Variants in PTPRT observed in about 807,000 individuals in gnomAD.
The protein encoded by PTPRT is protein tyrosine phosphatase receptor type T, also known as receptor-type tyrosine-protein phosphatase T.
A neutral mutation model predicts 176.8 loss-of-function variants in PTPRT; 56 were observed. The ratio of observed to expected loss-of-function variants is 0.32; its 90% confidence interval spans 0.26 to 0.40. The LOEUF (loss-of-function observed/expected upper bound fraction) is 0.40. PTPRT is among the 10% of genes least tolerant of loss of function. The pLI, the probability that PTPRT is intolerant of heterozygous loss-of-function variation, is 1.00. For missense variants in PTPRT, 1,540 were observed against 1,908.2 expected (o/e 0.81, Z 3.60); for synonymous variants, 783 against 739.0 (o/e 1.06, Z -0.96).
Position 42,237,470 on chromosome 20 carries a change from T to C in PTPRT, c.2313-1212A>G, listed in dbSNP as rs1600713694. On this transcript the variant is annotated intron_variant, in intron 14 of 30. Transcript: ENST00000373187. Reference sequence around the variant, plus strand: ...TCTGGGGGTTCTATAGCAGCCACTGTGTAATGAAGAAGGAGGGTACTGAGC... The same window carrying C: ...TCTGGGGGTTCTATAGCAGCCACTGCGTAATGAAGAAGGAGGGTACTGAGC... Among the ~76,000 whole-genome samples the C allele has an allele frequency of 2.0e-5, 3 of 152,370 alleles. No individual in the cohort carries two copies. In the South Asian group the frequency reaches 6.2e-4, roughly 32 times the overall value.
chr20:42,962,841 C>A (rs548952769), intron 1 of PTPRT, among the ~76,000 whole-genome samples: 1 of 151,960 alleles, frequency 6.6e-6, no homozygotes, highest in African/African-American at 2.4e-5. Flanking sequence ...GCTAGGTGGG[C>A]GGATCACTTG....
chr20:42,086,594 C>G (rs1983935288), intron 27 of PTPRT, among the ~76,000 whole-genome samples: 1 of 150,714 alleles, frequency 6.6e-6, no homozygotes, highest in Admixed American at 6.6e-5. Context: ...TCCAGGAAAA[C>G]CTTCATAGTG....
intron 27 of PTPRT, among the ~76,000 whole-genome samples, chr20:42,095,372 C>T (rs1271937030): frequency 6.6e-6 from 1 of 152,220 alleles, no homozygotes; most frequent in African/African-American, 2.4e-5. Flanking sequence ...CTGCTGCTTT[C>T]CCCACAGTTG....
At chr20:42,269,645 T>C (rs934436009) in intron 13 of PTPRT, among the ~76,000 whole-genome samples, 3 of 152,192 alleles carry the variant, frequency 2.0e-5, no homozygotes, top group Non-Finnish European at 4.4e-5. Context: ...GGGGCTGGTA[T>C]TCACTTCAAA....
At chr20:42,692,851 A>G (rs1203118576) in intron 6 of PTPRT, among the ~76,000 whole-genome samples, 1 of 152,184 alleles carries the variant, frequency 6.6e-6, no homozygotes, top group Non-Finnish European at 1.5e-5. Context: ...AAAAAGTGCC[A>G]TTTACCCAAT....
intron 11 of PTPRT, among the ~76,000 whole-genome samples, chr20:42,327,662 G>A (rs1469728499): frequency 6.6e-6 from 1 of 152,118 alleles, no homozygotes; most frequent in African/African-American, 2.4e-5. Context: ...GGAAGGATAT[G>A]TGGATGGTTA....
intron 16 of PTPRT, among the ~76,000 whole-genome samples, chr20:42,181,115 C>A (rs2146588811): frequency 6.6e-6 from 1 of 152,258 alleles, no homozygotes; most frequent in South Asian, 2.1e-4. Flanking sequence ...TGTACTTTCC[C>A]ATTTAAATAC....
intron 1 of PTPRT, among the ~76,000 whole-genome samples, chr20:43,084,815 C>T (rs955790983): frequency 6.6e-6 from 1 of 152,048 alleles, no homozygotes; most frequent in Non-Finnish European, 1.5e-5. Flanking sequence ...GAAGGAAATA[C>T]AACAAAATAT....
At chr20:42,305,627 ATG>A (rs368441652) in intron 12 of PTPRT, among the ~76,000 whole-genome samples, 1,984 of 151,532 alleles carry the variant, frequency 0.013, 23 homozygotes, top group Non-Finnish European at 0.018. Flanking sequence ...GTGTGCGTGT[ATG>A]TGTGTGTGTG....
intron 1 of PTPRT, among the ~76,000 whole-genome samples, chr20:43,120,157 A>G (rs931358738): frequency 3.9e-5 from 6 of 152,180 alleles, no homozygotes; most frequent in Non-Finnish European, 7.4e-5. Context: ...CAACACCCAC[A>G]ATAGAATTAC....
chr20:42,104,261 G>A (rs1344113729), intron 25 of PTPRT, among the ~76,000 whole-genome samples: 3 of 152,304 alleles, frequency 2.0e-5, no homozygotes, highest in Admixed American at 6.5e-5. Flanking sequence ...TTGAGCCCAG[G>A]AGTTGAAGAC....
chr20:42,128,729 C>T (rs773631513), intron 19 of PTPRT, 25 bp downstream of exon 19: 1 of 1,550,220 alleles, frequency 6.5e-7, no homozygotes, highest in East Asian at 2.4e-5. Flanking sequence ...CCAGCCCCAG[C>T]CCCCAGCCCC....
intron 1 of PTPRT, among the ~76,000 whole-genome samples, chr20:43,086,307 A>C (rs1169815200): frequency 6.6e-6 from 1 of 152,150 alleles, no homozygotes; most frequent in Non-Finnish European, 1.5e-5. Flanking sequence ...AAAACTAAGA[A>C]GTCCCAACCA....
In PTPRT at chr20:42,617,381, G is replaced by T. The variant is rs1431202979; in HGVS notation, c.1153+60485C>A. On this transcript the variant is annotated intron_variant, in intron 7 of 30. Transcript: ENST00000373187. The stretch of plus-strand genomic sequence containing the variant: ...GATTTTTGCCTCAATGTTCATCAAG[G>T]ATATTGGTCTAAAATTCTCTTTTTT... Among the ~76,000 whole-genome samples the T allele has an allele frequency of 3.0e-5, 4 of 135,392 alleles. 1 individual carries two copies. Among genetic ancestry groups the T allele is most frequent in the Non-Finnish European group, 6.2e-5 (4 of 64,926 alleles). 88.8% of individuals were successfully genotyped at this position (135,392 alleles called of 152,430 possible). A position where few individuals can be genotyped will look rare whatever the true frequency, so the allele number is the denominator to read the frequency against.
At chr20:42,118,177 G>A (rs1987393029) in intron 21 of PTPRT, among the ~76,000 whole-genome samples, 1 of 152,194 alleles carries the variant, frequency 6.6e-6, no homozygotes, top group Non-Finnish European at 1.5e-5. Context: ...CAAAATATAT[G>A]AGATGACATC....
At chr20:42,838,100 C>T (rs552592072) in intron 2 of PTPRT, among the ~76,000 whole-genome samples, 13 of 152,164 alleles carry the variant, frequency 8.5e-5, no homozygotes, top group African/African-American at 2.2e-4. Flanking sequence ...GATCTTGGCT[C>T]ACTGCAACTT....
chr20:42,038,927 G>A, the PTPRT span, among the ~76,000 whole-genome samples: 1 of 152,294 alleles, frequency 6.6e-6, no homozygotes, highest in East Asian at 1.9e-4. Flanking sequence ...ACTTCCCACA[G>A]ATATCTGAAT....
At position 42,885,815 on chromosome 20, in the gene PTPRT, A is replaced by G. The variant is rs762135776; in HGVS notation, c.206T>C (p.Val69Ala). The G allele has an allele frequency of 2.5e-6, 4 of 1,606,284 alleles. No individual in the cohort carries two copies. The highest frequency in any genetic ancestry group is 3.4e-6 in the Non-Finnish European group (4 of 1,175,060). The change falls in exon 2 of 31, where the codon GTG becomes GCG. Residue 69 changes from valine to alanine, a missense_variant. Coordinates refer to ENST00000373187, the MANE Select transcript of PTPRT (RefSeq NM_007050.6). ...TWEKPMLDQAVPTGSFMMVNS... is the reference protein window; with the variant it reads ...TWEKPMLDQAAPTGSFMMVNS... The stretch of plus-strand genomic sequence containing the variant: ...CATGATGGATCACATACCTGTGGGC[A>G]CTGCCTGGTCCAGCATTGGTTTCTC...
chr20:42,765,449 C>T (rs1166799763), intron 5 of PTPRT, among the ~76,000 whole-genome samples: 1 of 152,104 alleles, frequency 6.6e-6, no homozygotes, highest in Non-Finnish European at 1.5e-5. Flanking sequence ...CTATGCCAAA[C>T]CCAGCAAAGG....
Sources: gnomAD v4.1 joint callset for allele counts (sites outside exome capture counted in the v4.1 genomes callset) on GRCh38, gnomAD v4.1.1 for gene constraint, MANE v1.5 for transcripts, NCBI Gene and HGNC (gene_info 2026-07-23, HGNC 2026-07-21) for gene names.